Variants in DPP10 observed in about 807,000 individuals in gnomAD.
DPP10 encodes the protein inactive dipeptidyl peptidase 10.
Under a neutral mutation model 120.9 loss-of-function variants are expected in DPP10, and 33 were observed. The observed-to-expected ratio is 0.27, with a 90% CI of 0.21 to 0.37. The LOEUF is 0.37. DPP10 is among the 10% of genes least tolerant of loss of function. The pLI, the probability that DPP10 is intolerant of heterozygous loss-of-function variation, is 1.00. For missense variants in DPP10, 816 were observed against 942.8 expected, an observed-to-expected ratio of 0.87 and a Z score of 1.76; for synonymous variants, 337 against 326.1, an observed-to-expected ratio of 1.03 and a Z score of -0.36.
chr2:115,300,075 A>G (rs1222276968), intron 1 of DPP10, among the ~76,000 whole-genome samples: 1 of 152,080 alleles, frequency 6.6e-6, no homozygotes, highest in Non-Finnish European at 1.5e-5. Context: ...TTGCTATTAT[A>G]AATGCTGTTT....
chr2:114,945,550 C>A (rs1044916899), intron 1 of DPP10, among the ~76,000 whole-genome samples: 1 of 152,136 alleles, frequency 6.6e-6, no homozygotes, highest in Non-Finnish European at 1.5e-5. Context: ...CATGGTGGCT[C>A]AATCCTGTAA....
chr2:115,571,353 A>C (rs1387999027), intron 5 of DPP10, among the ~76,000 whole-genome samples: 1 of 152,098 alleles, frequency 6.6e-6, no homozygotes, highest in East Asian at 1.9e-4. Context: ...CATAGTACCT[A>C]GTAGTTAGTT....
intron 5 of DPP10, among the ~76,000 whole-genome samples, chr2:115,620,232 A>G (rs533504097): frequency 6.6e-6 from 1 of 152,150 alleles, no homozygotes; most frequent in Non-Finnish European, 1.5e-5. Flanking sequence ...TGATCTTTCT[A>G]CACTTTTTAC....
At chr2:115,045,020 T>G (rs2105317890) in intron 1 of DPP10, among the ~76,000 whole-genome samples, 1 of 152,336 alleles carries the variant, frequency 6.6e-6, no homozygotes, top group East Asian at 1.9e-4. Context: ...ATTCATCTGT[T>G]GATGGATACT....
At chr2:115,553,785 T>A (rs2080027044) in intron 5 of DPP10, among the ~76,000 whole-genome samples, 1 of 152,032 alleles carries the variant, frequency 6.6e-6, no homozygotes, top group African/African-American at 2.4e-5. Context: ...GATGCTTATA[T>A]AGATGTTTCT....
rs376251000 is a variant in DPP10 at position 115,115,756 on chromosome 2, C to T, written c.61-193483C>T. Among the ~76,000 whole-genome samples, 25 of 152,178 alleles carry T rather than the reference C, an allele frequency of 1.6e-4. No homozygotes were observed. The East Asian group carries it at 3.7e-3, about 22-fold the overall frequency. On this transcript the variant is annotated intron_variant, in intron 1 of 25. Transcript: ENST00000410059. ...TGGTGGTGTGTTTTATGGTGTTCTTCTCGTAATCCATAAAATTAGTAATAT... is the reference window on the plus strand; with the variant it reads ...TGGTGGTGTGTTTTATGGTGTTCTTTTCGTAATCCATAAAATTAGTAATAT...
chr2:115,254,234 T>G (rs1297050252), intron 1 of DPP10, among the ~76,000 whole-genome samples: 1 of 152,130 alleles, frequency 6.6e-6, no homozygotes, highest in Non-Finnish European at 1.5e-5. Context: ...GCAAACATGT[T>G]CTTCACATGG....
At chr2:115,162,062 G>A in intron 1 of DPP10, 10 of 1,451,240 alleles carry the variant, frequency 6.9e-6, no homozygotes, top group Non-Finnish European at 9.1e-6. Flanking sequence ...GGCCCTCCCG[G>A]GAGGGGTGGC....
chr2:115,810,495 T>C (rs1686519208), intron 19 of DPP10, among the ~76,000 whole-genome samples: 1 of 152,150 alleles, frequency 6.6e-6, no homozygotes, highest in Non-Finnish European at 1.5e-5. Context: ...CTATTGAGTA[T>C]TGTTTGTTTT....
chr2:115,185,326 T>C lies in DPP10; in HGVS notation c.61-123913T>C, dbSNP rs1168210034. ...GACTCGCTCTAAAAATGTTGGAAGC[T>C]GAACTGCATCATATTCTTGAGGGAG... On this transcript the variant is annotated intron_variant, in intron 1 of 25. Transcript: ENST00000410059. 3.9e-5 allele frequency among the ~76,000 whole-genome samples: 6 copies of C among 152,066 alleles called. No homozygotes were observed. The East Asian group carries it at 1.2e-3, about 29-fold the overall frequency.
chr2:114,876,835 G>C (rs1448055116), intron 1 of DPP10, among the ~76,000 whole-genome samples: 35 of 152,028 alleles, frequency 2.3e-4, no homozygotes, highest in Admixed American at 2.3e-3. Flanking sequence ...TAATTCACAA[G>C]ACCCATTGCG....
At chr2:114,454,641 T>G (rs561496315) in intron 1 of DPP10, among the ~76,000 whole-genome samples, 6 of 152,338 alleles carry the variant, frequency 3.9e-5, no homozygotes, top group African/African-American at 1.4e-4. Flanking sequence ...ATTATCTGGC[T>G]GGTAGTTACT....
At chr2:115,268,598 C>T (rs1422586264) in intron 1 of DPP10, among the ~76,000 whole-genome samples, 7 of 152,104 alleles carry the variant, frequency 4.6e-5, no homozygotes, top group Non-Finnish European at 1.0e-4. Context: ...GATCCTAATA[C>T]TGTGTTCAGG....
chr2:114,551,628 C>T (rs1031850322), intron 1 of DPP10, among the ~76,000 whole-genome samples: 39 of 152,132 alleles, frequency 2.6e-4, no homozygotes, highest in African/African-American at 8.9e-4. Flanking sequence ...CAGCTGGCTG[C>T]GGTTTGACAC....
At chr2:115,006,215 A>G (rs1701828742) in intron 1 of DPP10, among the ~76,000 whole-genome samples, 1 of 152,152 alleles carries the variant, frequency 6.6e-6, no homozygotes, top group Non-Finnish European at 1.5e-5. Context: ...CTCCTGAAGG[A>G]AGCATTAAAC....
At chr2:114,985,965 AG>A (rs1185912774) in intron 1 of DPP10, among the ~76,000 whole-genome samples, 1 of 152,260 alleles carries the variant, frequency 6.6e-6, no homozygotes, top group African/African-American at 2.4e-5. Flanking sequence ...TGCACAAGTA[AG>A]TGGAATATCT....
At chr2:115,730,712 C>T (rs1368881027) in intron 8 of DPP10, among the ~76,000 whole-genome samples, 2 of 152,108 alleles carry the variant, frequency 1.3e-5, no homozygotes, top group Non-Finnish European at 1.5e-5. Flanking sequence ...TCTATGTATT[C>T]GGTCTGAGAG....
intron 1 of DPP10, among the ~76,000 whole-genome samples, chr2:114,940,894 A>G (rs1000432694): frequency 6.6e-6 from 1 of 152,160 alleles, no homozygotes; most frequent in African/African-American, 2.4e-5. Flanking sequence ...TTTTTCTTGA[A>G]TATATCTCCT....
intron 1 of DPP10, among the ~76,000 whole-genome samples, chr2:114,936,058 C>T (rs967176002): frequency 5.9e-5 from 9 of 151,788 alleles, no homozygotes; most frequent in Non-Finnish European, 1.0e-4. Context: ...AGTTCTTTAG[C>T]GGTGATTTCT....
Sources: allele counts gnomAD v4.1 joint callset (sites outside exome capture counted in the v4.1 genomes callset), GRCh38; gene constraint gnomAD v4.1.1; transcripts MANE v1.5; gene names NCBI Gene and HGNC (gene_info 2026-07-23, HGNC 2026-07-21).